TLE1: variants seen among roughly 807,000 people sequenced by gnomAD.
TLE1 encodes the protein transducin-like enhancer protein 1.
TLE1 carries 21 observed loss-of-function variants against 89.8 expected under a neutral mutation model. That is an observed-to-expected ratio of 0.23 (90% CI 0.17 to 0.34). The LOEUF (loss-of-function observed/expected upper bound fraction) is 0.34, where lower values mean the gene tolerates loss of function less well. TLE1 is among the 10% of genes least tolerant of loss of function. The probability of loss-of-function intolerance (pLI) is 1.00; values close to 1 mark genes in which losing one functional copy is unlikely to be tolerated. For missense variants in TLE1, 795 were observed against 1,031.2 expected (o/e 0.77, Z 3.14); for synonymous variants, 447 against 407.6 (o/e 1.10, Z -1.16).
intron 6 of TLE1, among the ~76,000 whole-genome samples, chr9:81,644,058 C>A (rs560364501): frequency 1.3e-5 from 2 of 152,202 alleles, no homozygotes; most frequent in South Asian, 4.2e-4. Flanking sequence ...GGCCTCACAC[C>A]CATTAGGATG....
chr9:81,620,324 C>T (rs1442700427), intron 9 of TLE1, 117 bp downstream of exon 9: 7 of 829,014 alleles, frequency 8.4e-6, no homozygotes, highest in South Asian at 5.3e-5. Flanking sequence ...AGAACCTCTC[C>T]TCTTTACAGT....
chr9:81,685,391 T>C (rs1588275662), intron 4 of TLE1, among the ~76,000 whole-genome samples: 1 of 152,170 alleles, frequency 6.6e-6, no homozygotes. Context: ...GATAAATCTA[T>C]ACAGGTGAAA....
intron 16 of TLE1, among the ~76,000 whole-genome samples, chr9:81,588,774 C>T (rs1829010981): frequency 1.3e-5 from 2 of 152,156 alleles, no homozygotes; most frequent in South Asian, 4.2e-4. Flanking sequence ...AAGTCTAGAC[C>T]CACCCTCAGA....
chr9:81,628,745 T>C (rs1826210783), intron 8 of TLE1, among the ~76,000 whole-genome samples: 1 of 106,970 alleles, frequency 9.3e-6, no homozygotes, highest in African/African-American at 4.5e-5. Flanking sequence ...CTCAGATTAC[T>C]AACTCTCAAT....
intron 8 of TLE1, among the ~76,000 whole-genome samples, chr9:81,632,921 C>T (rs1359272416): frequency 6.6e-6 from 1 of 152,190 alleles, no homozygotes; most frequent in Admixed American, 6.5e-5. Context: ...TACTAACCAA[C>T]TTCACAAAGG....
At chr9:81,613,752 T>G (rs1294416126) in intron 11 of TLE1, among the ~76,000 whole-genome samples, 1 of 152,102 alleles carries the variant, frequency 6.6e-6, no homozygotes, top group Non-Finnish European at 1.5e-5. Context: ...TCACACTTCT[T>G]CCTCCGCAGA....
At position 81,583,991 on chromosome 9, in the gene TLE1, G is replaced by T; in HGVS notation, c.*207C>A. The T allele has an allele frequency of 1.8e-6, 1 of 557,826 alleles. No homozygotes were observed. Among genetic ancestry groups the T allele is most frequent in the Non-Finnish European group, 3.2e-6 (1 of 312,762 alleles). The allele number at this position is 557,826 out of a possible 1,614,324, so 34.6% of individuals were successfully genotyped here. ...ATGGCCCCTCTGTCCGCTTGGCCTTGGTGCTCCATTTGGTCTATGTAGACA... is the reference window on the plus strand; with the variant it reads ...ATGGCCCCTCTGTCCGCTTGGCCTTTGTGCTCCATTTGGTCTATGTAGACA... On this transcript the variant is annotated 3_prime_UTR_variant, in exon 20 of 20. Coordinates refer to ENST00000376499, the MANE Select transcript of TLE1 (RefSeq NM_005077.5).
chr9:81,660,663 G>A (rs1830654255), intron 4 of TLE1, among the ~76,000 whole-genome samples: 1 of 151,006 alleles, frequency 6.6e-6, no homozygotes, highest in South Asian at 2.1e-4. Flanking sequence ...TGATTCGCCG[G>A]TCTCAGCCTC....
Position 81,591,020 on chromosome 9 carries a change from C to T in TLE1, c.1614G>A (p.Leu538=), listed in dbSNP as rs751695165. The change falls in exon 16 of 20, where the codon TTG becomes TTA. Residue 538 remains leucine (L), a synonymous_variant. Transcript: ENST00000376499. Reference sequence around the variant, plus strand: ...CTATGAGAGTGCAGCCATCGGGTAGCAATTTACAGGAACGGATATAATTGT... The same window carrying T: ...CTATGAGAGTGCAGCCATCGGGTAGTAATTTACAGGAACGGATATAATTGT... The part of the protein sequence containing the change: ...NRDNYIRSCK[L]LPDGCTLIVG... 5.6e-6 allele frequency: 9 copies of T among 1,614,180 alleles called. No homozygotes were observed. Among genetic ancestry groups the T allele is most frequent in the Middle Eastern group, 1.7e-4 (1 of 6,060 alleles).
At chr9:81,629,348 A>T (rs1826289599) in intron 8 of TLE1, among the ~76,000 whole-genome samples, 1 of 152,206 alleles carries the variant, frequency 6.6e-6, no homozygotes. Flanking sequence ...ACTGAATGCT[A>T]CTAAGAAATA....
At chr9:81,633,874 G>A (rs991806650) in intron 7 of TLE1, 21 of 502,960 alleles carry the variant, frequency 4.2e-5, no homozygotes, top group Non-Finnish European at 6.6e-5. Context: ...AAGATGTCAA[G>A]ATGCCTGCAA....
chr9:81,615,416 A>G (rs1408819582), intron 11 of TLE1, among the ~76,000 whole-genome samples: 3 of 151,502 alleles, frequency 2.0e-5, no homozygotes, highest in East Asian at 1.9e-4. Flanking sequence ...ATATCCCCCA[A>G]GTAAGACGGC....
At chr9:81,630,593 T>C (rs1826458421) in intron 8 of TLE1, among the ~76,000 whole-genome samples, 1 of 152,270 alleles carries the variant, frequency 6.6e-6, no homozygotes, top group African/African-American at 2.4e-5. Context: ...AATAATTTGA[T>C]TTCAAGGGTA....
intron 9 of TLE1, among the ~76,000 whole-genome samples, 170 bp from the exon 10 acceptor site, chr9:81,616,869 C>G (rs1824588330): frequency 6.6e-6 from 1 of 152,166 alleles, no homozygotes. Context: ...ATCATCTTCC[C>G]CCTCTTCTCA....
intron 2 of TLE1, 147 bp downstream of exon 2, chr9:81,687,187 G>C (rs542187413): frequency 2.1e-5 from 13 of 609,676 alleles, no homozygotes; most frequent in Non-Finnish European, 3.2e-5. Context: ...CCAGGAAAGG[G>C]GGTAACTTGA....
At chr9:81,637,128 C>T (rs1293281500) in intron 6 of TLE1, among the ~76,000 whole-genome samples, 10 of 151,882 alleles carry the variant, frequency 6.6e-5, no homozygotes, top group Admixed American at 5.9e-4. Context: ...GAGGCTGAGG[C>T]GGGTGTAACA....
At chr9:81,631,285 C>G (rs1202982734) in intron 8 of TLE1, among the ~76,000 whole-genome samples, 1 of 152,154 alleles carries the variant, frequency 6.6e-6, no homozygotes, top group Non-Finnish European at 1.5e-5. Flanking sequence ...ATTTTTCTGT[C>G]AAAAATACCA....
At chr9:81,648,847 C>T (rs894783165) in intron 6 of TLE1, among the ~76,000 whole-genome samples, 3 of 149,780 alleles carry the variant, frequency 2.0e-5, no homozygotes, top group South Asian at 2.2e-4. Context: ...GGTGTAAAAA[C>T]GATCCTGATC....
intron 16 of TLE1, among the ~76,000 whole-genome samples, chr9:81,588,199 G>A (rs568369106): frequency 6.6e-6 from 1 of 152,230 alleles, no homozygotes; most frequent in South Asian, 2.1e-4. Flanking sequence ...ACAAAATCCC[G>A]ATTGTATTCC....
Sources: allele counts gnomAD v4.1 joint callset (sites outside exome capture counted in the v4.1 genomes callset), GRCh38; gene constraint gnomAD v4.1.1; transcripts MANE v1.5; gene names NCBI Gene and HGNC (gene_info 2026-07-23, HGNC 2026-07-21).